KCNH5: variants seen among roughly 807,000 people sequenced by gnomAD.
KCNH5 encodes the protein potassium voltage-gated channel subfamily H member 5.
KCNH5 carries 46 observed loss-of-function variants against 96.1 expected under a neutral mutation model. The ratio of observed to expected loss-of-function variants is 0.48; its 90% CI spans 0.38 to 0.61. The LOEUF (loss-of-function observed/expected upper bound fraction) is 0.61. Among genes scored for constraint, KCNH5 ranks in the 20% least tolerant of loss-of-function variants. The probability of loss-of-function intolerance (pLI) is 0.00; values close to 1 mark genes in which losing one functional copy is unlikely to be tolerated. For missense variants in KCNH5, 907 were observed against 1,225.8 expected (o/e 0.74, Z 3.88); for synonymous variants, 439 against 449.8 (o/e 0.98, Z 0.30).
intron 7 of KCNH5, among the ~76,000 whole-genome samples, chr14:62,850,942 A>C (rs1481334942): frequency 6.6e-6 from 1 of 152,202 alleles, no homozygotes; most frequent in Non-Finnish European, 1.5e-5. Context: ...GACTGTAAAC[A>C]AAATATAGAC....
chr14:63,000,178 T>C (rs1263149349), intron 4 of KCNH5, among the ~76,000 whole-genome samples: 1 of 152,226 alleles, frequency 6.6e-6, no homozygotes, highest in Non-Finnish European at 1.5e-5. Context: ...TGATTTTTTC[T>C]ATAATTATGA....
chr14:62,925,726 A>G (rs1241127618), intron 7 of KCNH5, among the ~76,000 whole-genome samples: 1 of 152,100 alleles, frequency 6.6e-6, no homozygotes, highest in Non-Finnish European at 1.5e-5. Context: ...GGATCATAAG[A>G]CCACAATAAA....
intron 8 of KCNH5, among the ~76,000 whole-genome samples, chr14:62,806,870 TG>T (rs1370616132): frequency 2.0e-5 from 3 of 152,158 alleles, no homozygotes. Context: ...TAATCTGCCT[TG>T]CTCTCTTTGC....
At chr14:63,014,533 C>T (rs530073419) in intron 2 of KCNH5, among the ~76,000 whole-genome samples, 2 of 151,986 alleles carry the variant, frequency 1.3e-5, no homozygotes, top group African/African-American at 4.8e-5. Flanking sequence ...ATTGTACTTG[C>T]CAAAGAAAAT....
chr14:62,749,656 G>A (rs1022926095), intron 10 of KCNH5, among the ~76,000 whole-genome samples: 4 of 152,166 alleles, frequency 2.6e-5, no homozygotes, highest in African/African-American at 9.7e-5. Flanking sequence ...AGTTAAGAAA[G>A]GACTTTCATC....
intron 7 of KCNH5, among the ~76,000 whole-genome samples, chr14:62,908,782 A>ATTTTTTTTTTTTTTTTTTTTTTTTTTT (rs71120241): frequency 3.4e-4 from 8 of 23,718 alleles, no homozygotes; most frequent in Admixed American, 7.8e-4. Context: ...TTTGCTTTGT[A>ATTTTTTTTTTTTTTTTTTTTTTTTTTT]TTTTTTTTTT....
At chr14:62,873,243 C>T (rs529828565) in intron 7 of KCNH5, among the ~76,000 whole-genome samples, 1 of 151,726 alleles carries the variant, frequency 6.6e-6, no homozygotes, top group South Asian at 2.1e-4. Context: ...TATATACCCT[C>T]AAGTGTAAAA....
At chr14:62,897,535 A>C (rs1018272398) in intron 7 of KCNH5, among the ~76,000 whole-genome samples, 1 of 152,174 alleles carries the variant, frequency 6.6e-6, no homozygotes, top group East Asian at 1.9e-4. Flanking sequence ...ATGGGGGGAA[A>C]AAAAACTGCA....
chr14:62,708,728 A>G (rs77593175), intron 10 of KCNH5, among the ~76,000 whole-genome samples: 1,728 of 152,284 alleles, frequency 0.011, 33 homozygotes, highest in African/African-American at 0.039. Flanking sequence ...TACTCAAGAG[A>G]CAACTGAATA....
intron 10 of KCNH5, among the ~76,000 whole-genome samples, chr14:62,777,860 TG>T (rs1175400050): frequency 1.1e-4 from 7 of 64,234 alleles, no homozygotes; most frequent in African/African-American, 1.7e-4. Flanking sequence ...TATGTGTATT[TG>T]TGTGTGTGTG....
rs373852520 is a variant in KCNH5 at position 62,970,044 on chromosome 14, T to TAAAAAAA, written c.942+10821_942+10827dup. On this transcript the variant is annotated intron_variant, in intron 6 of 10. Transcript: ENST00000322893. The stretch of plus-strand genomic sequence containing the variant: ...CTGGGTGACAGAGTGAGACTCCGTC[T>TAAAAAAA]AAAAAAAAAAAAAAAAAAAAAAAAA... 4.8e-3 allele frequency among the ~76,000 whole-genome samples: 145 copies of TAAAAAAA among 30,410 alleles called. 6 individuals carry two copies. The highest frequency in any genetic ancestry group is 7.6e-3 in the Non-Finnish European group (116 of 15,326). 20.0% of individuals were successfully genotyped at this position (30,410 alleles called of 152,430 possible).
chr14:62,735,624 A>G (rs988215050), intron 10 of KCNH5, among the ~76,000 whole-genome samples: 2 of 152,058 alleles, frequency 1.3e-5, no homozygotes, highest in African/African-American at 4.8e-5. Context: ...CAATCCATCC[A>G]CTTCTCACCG....
intron 6 of KCNH5, among the ~76,000 whole-genome samples, chr14:62,955,147 G>T (rs1890080253): frequency 6.6e-6 from 1 of 151,832 alleles, no homozygotes; most frequent in Non-Finnish European, 1.5e-5. Context: ...CTGGAAAAAG[G>T]GAGATTGGAG....
intron 5 of KCNH5, among the ~76,000 whole-genome samples, chr14:62,986,131 A>G (rs766113404): frequency 6.6e-6 from 1 of 152,082 alleles, no homozygotes. Flanking sequence ...GGACTTCCTC[A>G]CTGGTTTCCC....
At chr14:62,912,037 CA>C (rs1163755853) in intron 7 of KCNH5, among the ~76,000 whole-genome samples, 37,000 of 79,884 alleles carry the variant, frequency 0.46, 4,968 homozygotes, top group South Asian at 0.6. Context: ...GACTCCTAAT[CA>C]AAAAAAAAAA....
chr14:62,808,064 A>T (rs1171182193), intron 8 of KCNH5, among the ~76,000 whole-genome samples: 1 of 152,120 alleles, frequency 6.6e-6, no homozygotes, highest in Non-Finnish European at 1.5e-5. Context: ...TACATGATTA[A>T]AATTGCTTAC....
intron 10 of KCNH5, among the ~76,000 whole-genome samples, chr14:62,752,208 C>T (rs547035964): frequency 6.6e-6 from 1 of 152,224 alleles, no homozygotes; most frequent in African/African-American, 2.4e-5. Context: ...AATACCTCAT[C>T]TGCATGGGTC....
chr14:62,975,027 A>G (rs1423243326), intron 6 of KCNH5, among the ~76,000 whole-genome samples: 1 of 152,148 alleles, frequency 6.6e-6, no homozygotes, highest in Non-Finnish European at 1.5e-5. Flanking sequence ...CCTTATAATC[A>G]CCTTGTGATA....
At chr14:63,010,467 GATGTGC>G (rs1396723795) in intron 2 of KCNH5, among the ~76,000 whole-genome samples, 6 of 152,156 alleles carry the variant, frequency 3.9e-5, no homozygotes, top group African/African-American at 1.4e-4. Flanking sequence ...CTTAAAGGGA[GATGTGC>G]ATGGTTCTGT....
Sources: gnomAD v4.1 joint callset for allele counts (sites outside exome capture counted in the v4.1 genomes callset) on GRCh38, gnomAD v4.1.1 for gene constraint, MANE v1.5 for transcripts, NCBI Gene and HGNC (gene_info 2026-07-23, HGNC 2026-07-21) for gene names.